The following XNDC1N variants were observed in gnomAD, a reference collection of about 807,000 sequenced individuals.
The protein encoded by XNDC1N is XRCC1 N-terminal domain containing 1, N-terminal like, also known as protein XNDC1N.
At chr11:71,892,482 T>C in the XNDC1N span, among the ~76,000 whole-genome samples, 3 of 152,082 alleles carry the variant, frequency 2.0e-5, no homozygotes, top group Non-Finnish European at 4.4e-5. Flanking sequence ...AGAGCCACCA[T>C]GATATTAGGA....
At chr11:71,898,712 C>T in the XNDC1N span, among the ~76,000 whole-genome samples, 3 of 152,068 alleles carry the variant, frequency 2.0e-5, no homozygotes, top group South Asian at 6.2e-4. Context: ...CAGGGGTGGG[C>T]GAGAAAGAGG....
At chr11:71,903,334 C>T in the XNDC1N span, 7 of 1,434,918 alleles carry the variant, frequency 4.9e-6, no homozygotes, top group South Asian at 2.3e-5. Flanking sequence ...TCATCCTGGC[C>T]GTCAGCCCTG....
the XNDC1N span, chr11:71,894,523 G>A: frequency 0.028 from 4,334 of 155,770 alleles, 3 homozygotes; most frequent in East Asian, 0.077. Flanking sequence ...ATTCCTTTCC[G>A]CATTTCCTTT....
the XNDC1N span, chr11:71,916,319 G>T: frequency 2.9e-6 from 2 of 689,778 alleles, no homozygotes; most frequent in South Asian, 3.1e-5. Context: ...GACAGAGGAA[G>T]AAAAGGTCAA....
At chr11:71,882,234 A>G in the XNDC1N span, among the ~76,000 whole-genome samples, 4 of 151,904 alleles carry the variant, frequency 2.6e-5, no homozygotes, top group African/African-American at 7.2e-5. Flanking sequence ...AAAGAACACT[A>G]TCTTAAAACT....
chr11:71,905,485 C>T, the XNDC1N span, among the ~76,000 whole-genome samples: 1 of 151,860 alleles, frequency 6.6e-6, no homozygotes, highest in Non-Finnish European at 1.5e-5. Flanking sequence ...GTAACATCTC[C>T]CTAGGATATT....
At chr11:71,901,625 C>CA in the XNDC1N span, among the ~76,000 whole-genome samples, 38 of 150,572 alleles carry the variant, frequency 2.5e-4, no homozygotes, top group South Asian at 2.7e-3. Context: ...AAACAAAAAA[C>CA]AAAAAAAACC....
At chr11:71,885,814 G>C in the XNDC1N span, among the ~76,000 whole-genome samples, 1 of 151,754 alleles carries the variant, frequency 6.6e-6, no homozygotes, top group African/African-American at 2.4e-5. Flanking sequence ...TAATATTACT[G>C]TTTTCTAATG....
the XNDC1N span, among the ~76,000 whole-genome samples, chr11:71,910,035 C>T: frequency 7.9e-5 from 12 of 152,092 alleles, no homozygotes; most frequent in Admixed American, 3.9e-4. Flanking sequence ...CCAGTGAAGA[C>T]GGGCCCAGCC....
At chr11:71,878,193 C>T in the XNDC1N span, among the ~76,000 whole-genome samples, 1 of 152,232 alleles carries the variant, frequency 6.6e-6, no homozygotes, top group Non-Finnish European at 1.5e-5. Context: ...AGTCTCTCTC[C>T]TGCCTTTGCC....
the XNDC1N span, among the ~76,000 whole-genome samples, chr11:71,886,543 A>T: frequency 5.3e-5 from 8 of 152,076 alleles, no homozygotes; most frequent in East Asian, 7.7e-4. Flanking sequence ...CTCTCTGAGG[A>T]CATTCAGGGT....
At chr11:71,893,587 C>T in the XNDC1N span, 5 of 1,027,428 alleles carry the variant, frequency 4.9e-6, no homozygotes, top group Non-Finnish European at 7.6e-6. Context: ...GGTCATGGTG[C>T]TGAGGAACCT....
the XNDC1N span, among the ~76,000 whole-genome samples, chr11:71,901,208 A>C: frequency 6.6e-6 from 1 of 152,160 alleles, no homozygotes; most frequent in African/African-American, 2.4e-5. Context: ...GCAGTCATCA[A>C]TTCGGAGTTT....
chr11:71,909,104 C>A, the XNDC1N span, among the ~76,000 whole-genome samples: 1 of 152,140 alleles, frequency 6.6e-6, no homozygotes, highest in Non-Finnish European at 1.5e-5. Context: ...AAAATCAGCA[C>A]ATGATTCACA....
the XNDC1N span, among the ~76,000 whole-genome samples, chr11:71,901,993 T>A: frequency 2.4e-3 from 369 of 152,222 alleles, 7 homozygotes; most frequent in African/African-American, 8.6e-3. Flanking sequence ...GGACATTTTG[T>A]TTTGTCCTTC....
At chr11:71,887,539 T>C in the XNDC1N span, among the ~76,000 whole-genome samples, 2,818 of 136,640 alleles carry the variant, frequency 0.021, 1 homozygote, top group African/African-American at 0.078. Flanking sequence ...GCCAAGAGTA[T>C]GGGCAGAAGA....
At chr11:71,899,040 T>G in the XNDC1N span, among the ~76,000 whole-genome samples, 2 of 152,168 alleles carry the variant, frequency 1.3e-5, no homozygotes, top group Admixed American at 6.5e-5. Flanking sequence ...GAGCCCCAAA[T>G]CTTCTATGGA....
At chr11:71,908,770 G>A in the XNDC1N span, among the ~76,000 whole-genome samples, 4,896 of 152,240 alleles carry the variant, frequency 0.032, 77 homozygotes, top group East Asian at 0.078. Flanking sequence ...CTTTAACAGC[G>A]AAGAAAGGCG....
the XNDC1N span, chr11:71,917,761 G>A: frequency 1.1e-4 from 74 of 703,176 alleles, no homozygotes; most frequent in Middle Eastern, 9.1e-4. Context: ...TTGCAGGAAC[G>A]CACAGCCACA....
Sources: allele counts gnomAD v4.1 joint callset (sites outside exome capture counted in the v4.1 genomes callset), GRCh38; gene constraint gnomAD v4.1.1; transcripts MANE v1.5; gene names NCBI Gene and HGNC (gene_info 2026-07-23, HGNC 2026-07-21).